Variants in PCDHGA3 observed in about 807,000 individuals in gnomAD.
PCDHGA3 encodes the protein protocadherin gamma-A3.
A neutral mutation model predicts 58.5 loss-of-function variants in PCDHGA3; 40 were observed. The ratio of observed to expected loss-of-function variants is 0.68; its 90% CI spans 0.53 to 0.89. The LOEUF is 0.89. PCDHGA3 is among the 40% of genes least tolerant of loss of function. The pLI, the probability that PCDHGA3 is intolerant of heterozygous loss-of-function variation, is 0.00. For synonymous variants in PCDHGA3, 530 were observed against 525.7 expected (o/e 1.01, Z -0.11); for missense variants, 1,223 against 1,195.9 (o/e 1.02, Z -0.33).
intron 1 of PCDHGA3, chr5:141,361,272 T>C: frequency 1.2e-6 from 2 of 1,613,890 alleles, no homozygotes; most frequent in Non-Finnish European, 1.7e-6. Flanking sequence ...CTGGAGAAAA[T>C]GGAGAAGTTT....
rs762574320 is a variant in PCDHGA3, at chr5:141,485,926, G to A, written c.2425-8881G>A. The A allele has an allele frequency of 2.0e-5, 32 of 1,614,090 alleles. No individual in the cohort carries two copies. Among genetic ancestry groups the A allele is most frequent in the Admixed American group, 1.2e-4 (7 of 60,006 alleles). ...AGCAATCCAGCTACAGGATTAGTGT[G>A]TTGGAGAGCGCACCAGCGGGCATGG... On this transcript the variant is annotated intron_variant, in intron 1 of 3. Transcript: ENST00000253812. The surrounding 1 kb of genome is among the most constrained non-coding windows in gnomAD (Gnocchi z 5.7).
chr5:141,382,690 G>T, intron 1 of PCDHGA3: 1 of 448,422 alleles, frequency 2.2e-6, no homozygotes, highest in Middle Eastern at 5.6e-4. Flanking sequence ...AGGGAAAAAT[G>T]GTGCGAGAGA....
intron 1 of PCDHGA3, chr5:141,413,569 G>A: frequency 1.2e-6 from 2 of 1,613,846 alleles, no homozygotes; most frequent in Non-Finnish European, 1.7e-6. Context: ...TGATATCAAT[G>A]ACAATGCTCC....
chr5:141,356,493 A>G (rs1364777213), intron 1 of PCDHGA3: 5 of 1,613,938 alleles, frequency 3.1e-6, no homozygotes, highest in Admixed American at 3.3e-5. Flanking sequence ...GAACTCCTCC[A>G]CTGTCTACAG....
chr5:141,381,826 CTTTTTTTTTTT>C (rs770630741), intron 1 of PCDHGA3, among the ~76,000 whole-genome samples: 18 of 74,294 alleles, frequency 2.4e-4, no homozygotes, highest in African/African-American at 9.9e-4. Flanking sequence ...CTTTCTTCTT[CTTTTTTTTTTT>C]TTTTTTTTTT....
intron 2 of PCDHGA3, among the ~76,000 whole-genome samples, chr5:141,497,905 C>T (rs1052659134): frequency 6.6e-6 from 1 of 152,178 alleles, no homozygotes; most frequent in Non-Finnish European, 1.5e-5. Context: ...GTAACTTCAA[C>T]TTCTCTCCTT....
chr5:141,492,122 C>G (rs2154587050), intron 1 of PCDHGA3, among the ~76,000 whole-genome samples: 1 of 152,328 alleles, frequency 6.6e-6, no homozygotes, highest in Admixed American at 6.5e-5. Context: ...GATTTCTCCC[C>G]AGCTCCCAGC....
intron 1 of PCDHGA3, chr5:141,371,896 T>C (rs760450150): frequency 1.2e-6 from 2 of 1,613,426 alleles, no homozygotes; most frequent in Admixed American, 1.7e-5. Flanking sequence ...CCGCGGGAGC[T>C]GTCGTCCTAC....
intron 1 of PCDHGA3, among the ~76,000 whole-genome samples, chr5:141,425,869 C>T (rs1376765137): frequency 2.0e-5 from 3 of 152,198 alleles, no homozygotes. Context: ...TATAGATTCC[C>T]ATCTCTAAGG....
At chr5:141,367,872 ATTC>A (rs771117453) in intron 1 of PCDHGA3, 5 of 152,254 alleles carry the variant, frequency 3.3e-5, no homozygotes, top group African/African-American at 9.6e-5. Context: ...TGTAGGTGCA[ATTC>A]TTCTTTATTA....
At chr5:141,500,315 G>C (rs944076867) in intron 2 of PCDHGA3, among the ~76,000 whole-genome samples, 41 of 151,522 alleles carry the variant, frequency 2.7e-4, no homozygotes, top group African/African-American at 9.5e-4. Flanking sequence ...TTCACGCCAT[G>C]CTCCTGCCTC....
At chr5:141,389,172 C>G (rs1276294939) in intron 1 of PCDHGA3, 1 of 1,614,036 alleles carries the variant, frequency 6.2e-7, no homozygotes, top group Non-Finnish European at 8.5e-7. Flanking sequence ...CAAGCCTCCC[C>G]TCTCCTCCAG....
intron 1 of PCDHGA3, chr5:141,393,311 C>T: frequency 6.2e-7 from 1 of 1,613,484 alleles, no homozygotes; most frequent in Non-Finnish European, 8.5e-7. Context: ...GCGTGAACTC[C>T]CTCCAGAGCT....
chr5:141,444,551 G>A (rs758187608), intron 1 of PCDHGA3, among the ~76,000 whole-genome samples: 1 of 152,022 alleles, frequency 6.6e-6, no homozygotes, highest in Non-Finnish European at 1.5e-5. Context: ...TGAGCAAAAG[G>A]CACTTATTTG....
At chr5:141,417,700 A>G in intron 1 of PCDHGA3, 1 of 1,180,094 alleles carries the variant, frequency 8.5e-7, no homozygotes, top group Admixed American at 3.0e-5. Flanking sequence ...ACCAGCTCCC[A>G]CACAGAGGCT....
At chr5:141,439,215 G>A (rs1319217047) in intron 1 of PCDHGA3, among the ~76,000 whole-genome samples, 2 of 151,488 alleles carry the variant, frequency 1.3e-5, no homozygotes, top group African/African-American at 4.9e-5. Flanking sequence ...ATCCATATGT[G>A]AAAATTCTTA....
intron 1 of PCDHGA3, among the ~76,000 whole-genome samples, chr5:141,457,155 A>G (rs1403164805): frequency 1.3e-5 from 2 of 152,216 alleles, no homozygotes; most frequent in Admixed American, 6.5e-5. Flanking sequence ...AGAAGGTGCT[A>G]CCATGGATAA....
chr5:141,450,006 C>CTTTT (rs1554136305), intron 1 of PCDHGA3, among the ~76,000 whole-genome samples: 4 of 132,984 alleles, frequency 3.0e-5, no homozygotes, highest in South Asian at 2.3e-4. Flanking sequence ...TGCCATGTCT[C>CTTTT]TTTTTTTTTT....
At chr5:141,492,240 C>T (rs1031016944) in intron 1 of PCDHGA3, among the ~76,000 whole-genome samples, 1 of 152,242 alleles carries the variant, frequency 6.6e-6, no homozygotes, top group African/African-American at 2.4e-5. Flanking sequence ...CTGCTGGCCA[C>T]CCCCACGGCC....
Sources: allele counts gnomAD v4.1 joint callset (sites outside exome capture counted in the v4.1 genomes callset), GRCh38; gene constraint gnomAD v4.1.1; non-coding constraint Gnocchi (gnomAD v3.1); transcripts MANE v1.5; gene names NCBI Gene and HGNC (gene_info 2026-07-23, HGNC 2026-07-21).